PGAP1: variants seen among roughly 807,000 people sequenced by gnomAD.
PGAP1 encodes the protein post-GPI attachment to proteins inositol deacylase 1.
PGAP1 carries 76 observed loss-of-function variants against 127.0 expected under a neutral mutation model. The observed-to-expected ratio is 0.60, with a 90% CI of 0.50 to 0.72. The LOEUF is 0.72. Ranked by LOEUF, PGAP1 falls within the 30% of genes least tolerant of loss-of-function variation. The pLI, the probability that PGAP1 is intolerant of heterozygous loss-of-function variation, is 0.00. For synonymous variants in PGAP1, 362 were observed against 366.5 expected (o/e 0.99, Z 0.14); for missense variants, 982 against 1,071.3 (o/e 0.92, Z 1.16).
chr2:196,861,573 C>T lies in PGAP1; in HGVS notation c.1861+3414G>A, dbSNP rs368290797. On this transcript the variant is annotated intron_variant, in intron 20 of 26. Transcript: ENST00000354764. ...ATGGATGGTCAGATGTGGTGGCTCA[C>T]GCCTGTAATCCCAGCACTTTGGGAG... Among the ~76,000 whole-genome samples, 32 of 152,088 alleles carry T rather than the reference C, an allele frequency of 2.1e-4. 1 individual carries two copies. Among genetic ancestry groups the T allele is most frequent in the East Asian group, 9.7e-4 (5 of 5,180 alleles).
At chr2:196,890,964 ATCAT>A (rs1702080836) in intron 9 of PGAP1, 53 bp from the exon 10 acceptor site, 2 of 915,788 alleles carry the variant, frequency 2.2e-6, no homozygotes, top group African/African-American at 3.3e-5. Flanking sequence ...GATTAGTTTC[ATCAT>A]TCAAAAATCC....
intron 4 of PGAP1, among the ~76,000 whole-genome samples, chr2:196,905,240 G>T (rs751089735): frequency 6.6e-6 from 1 of 152,076 alleles, no homozygotes; most frequent in East Asian, 1.9e-4. Flanking sequence ...ACACCACACA[G>T]AATGCAACAA....
At position 196,833,079 on chromosome 2, in the gene PGAP1, T is replaced by TTAC. The variant is rs1442219440; in HGVS notation, c.*8152_*8154dup. The TTAC allele has an allele frequency of 6.6e-6, 1 of 152,488 alleles. No individual in the cohort carries two copies. Among genetic ancestry groups the TTAC allele is most frequent in the African/African-American group, 2.4e-5 (1 of 41,402 alleles). The allele number at this position is 152,488 out of a possible 1,614,324, so 9.4% of individuals were successfully genotyped here. A position where few individuals can be genotyped will look rare whatever the true frequency, so the allele number is the denominator to read the frequency against. Reference sequence around the variant, plus strand: ...CAGATTAAAAAGAAAGCACCAAAAATTACTACACATTAATACCTGAGCAGA... The same window carrying TTAC: ...CAGATTAAAAAGAAAGCACCAAAAATTACTACTACACATTAATACCTGAGCAGA... On this transcript the variant is annotated 3_prime_UTR_variant, in exon 27 of 27. Coordinates refer to ENST00000354764, the MANE Select transcript of PGAP1 (RefSeq NM_024989.4).
intron 4 of PGAP1, among the ~76,000 whole-genome samples, chr2:196,904,556 T>C (rs1479999518): frequency 6.6e-6 from 1 of 151,962 alleles, no homozygotes; most frequent in Non-Finnish European, 1.5e-5. Context: ...GCCAACATGG[T>C]GAAACACTGT....
chr2:196,845,532 C>T (rs1217913398), intron 23 of PGAP1, among the ~76,000 whole-genome samples: 14 of 150,242 alleles, frequency 9.3e-5, no homozygotes, highest in African/African-American at 3.2e-4. Flanking sequence ...CTTTTTGTTT[C>T]GTCTCTTACC....
chr2:196,905,187 A>T (rs563926123), intron 4 of PGAP1, among the ~76,000 whole-genome samples: 2 of 152,290 alleles, frequency 1.3e-5, no homozygotes, highest in Admixed American at 6.5e-5. Flanking sequence ...TTTTTAAAAT[A>T]TCTTTGAGTC....
intron 20 of PGAP1, among the ~76,000 whole-genome samples, chr2:196,851,148 T>C (rs1700706116): frequency 1.1e-5 from 1 of 87,916 alleles, no homozygotes; most frequent in Admixed American, 9.2e-5. Flanking sequence ...GAGTCACTGT[T>C]TTTTTGTTTT....
At chr2:196,919,767 T>A (rs1479523365) in intron 2 of PGAP1, among the ~76,000 whole-genome samples, 2 of 152,182 alleles carry the variant, frequency 1.3e-5, no homozygotes, top group South Asian at 2.1e-4. Flanking sequence ...TACTCTATCT[T>A]ATTCTTTGTA....
chr2:196,871,538 C>T (rs1701409275), intron 18 of PGAP1, among the ~76,000 whole-genome samples: 1 of 151,974 alleles, frequency 6.6e-6, no homozygotes, highest in Admixed American at 6.6e-5. Flanking sequence ...TTTTGTATTG[C>T]TTTAATATTA....
chr2:196,889,259 C>T (rs2125815931), intron 10 of PGAP1, among the ~76,000 whole-genome samples: 1 of 152,254 alleles, frequency 6.6e-6, no homozygotes, highest in East Asian at 1.9e-4. Flanking sequence ...CCAGGGTAAA[C>T]TGCCCATCTA....
At chr2:196,902,415 T>TCA (rs61327381) in intron 5 of PGAP1, among the ~76,000 whole-genome samples, 170 bp downstream of exon 5, 7 of 151,978 alleles carry the variant, frequency 4.6e-5, no homozygotes, top group African/African-American at 1.2e-4. Context: ...ATTCATTCAT[T>TCA]TTCTCTCTTT....
chr2:196,899,031 A>G (rs944133033), intron 5 of PGAP1, among the ~76,000 whole-genome samples: 1 of 152,188 alleles, frequency 6.6e-6, no homozygotes, highest in Non-Finnish European at 1.5e-5. Flanking sequence ...GCTTCCTAAC[A>G]ATGGCACAGC....
chr2:196,848,110 A>G (rs1576090670), intron 20 of PGAP1, 73 bp from the exon 21 acceptor site: 2 of 929,466 alleles, frequency 2.2e-6, no homozygotes, highest in East Asian at 2.7e-5. Flanking sequence ...CACGTTCTCT[A>G]AAACAGCAAC....
intron 1 of PGAP1, among the ~76,000 whole-genome samples, chr2:196,922,899 A>AG (rs1703248417): frequency 6.6e-6 from 1 of 151,784 alleles, no homozygotes; most frequent in African/African-American, 2.4e-5. Context: ...CATGTTATCC[A>AG]GGCTGGTCTT....
rs1304472439 is a variant in PGAP1, at chr2:196,885,818, C to CT, written c.1220+15_1220+16insA. 1.4e-6 allele frequency: 2 copies of CT among 1,391,562 alleles called. No homozygotes were observed. Among genetic ancestry groups the CT allele is most frequent in the Non-Finnish European group, 1.9e-6 (2 of 1,064,670 alleles). The allele number at this position is 1,391,562 out of a possible 1,614,324, so 86.2% of individuals were successfully genotyped here. A position where few individuals can be genotyped will look rare whatever the true frequency, so the allele number is the denominator to read the frequency against. ...GTTTATGTTGAGATAAATGAACATG[C>CT]ATTCAAAAGACTTACCACATAGAAG... On this transcript the variant is annotated intron_variant, in intron 11 of 26. Coordinates refer to ENST00000354764, the MANE Select transcript of PGAP1 (RefSeq NM_024989.4).
intron 6 of PGAP1, 75 bp downstream of exon 6, chr2:196,898,242 C>A: frequency 9.6e-7 from 1 of 1,036,460 alleles, no homozygotes; most frequent in South Asian, 1.4e-5. Flanking sequence ...GTTAACAAGC[C>A]AATTAAATTA....
intron 20 of PGAP1, among the ~76,000 whole-genome samples, chr2:196,857,559 G>A (rs2125786991): frequency 6.6e-6 from 1 of 152,276 alleles, no homozygotes; most frequent in East Asian, 1.9e-4. Context: ...TGATGCTTTT[G>A]GAGAAATATC....
At chr2:196,855,280 C>A (rs1428863633) in intron 20 of PGAP1, among the ~76,000 whole-genome samples, 2 of 142,686 alleles carry the variant, frequency 1.4e-5, no homozygotes, top group African/African-American at 2.7e-5. Context: ...GAGCCTAGAT[C>A]GAGCCACTGC....
chr2:196,926,604 A>G lies in PGAP1; in HGVS notation c.13T>C (p.Ser5Pro). 6.2e-7 allele frequency: 1 copy of G among 1,614,188 alleles called. No homozygotes were observed. Among genetic ancestry groups the G allele is most frequent in the Non-Finnish European group, 8.5e-7 (1 of 1,180,020 alleles). MFLH[S>P]VNLWNLAFYV... ...AACGCCAGGTTCCAGAGATTAACTGAGTGAAGAAACATGGTGCCGCCACCA... is the reference window on the plus strand; with the variant it reads ...AACGCCAGGTTCCAGAGATTAACTGGGTGAAGAAACATGGTGCCGCCACCA... Residue 5 changes from serine (S) to proline (P), a missense_variant, in exon 1 of 27, where the codon TCA (serine) becomes CCA (proline). Transcript: ENST00000354764.
Sources: allele counts gnomAD v4.1 joint callset (sites outside exome capture counted in the v4.1 genomes callset), GRCh38; gene constraint gnomAD v4.1.1; transcripts MANE v1.5; gene names NCBI Gene and HGNC (gene_info 2026-07-23, HGNC 2026-07-21).